The following HAUS7 variants were observed in gnomAD, a reference collection of about 807,000 sequenced individuals.
HAUS7 encodes the protein HAUS augmin-like complex subunit 7.
In HAUS7, 3 loss-of-function variants were observed where a neutral mutation model predicts 28.4. That is an observed-to-expected ratio of 0.11 (90% CI 0.05 to 0.27). The LOEUF (loss-of-function observed/expected upper bound fraction) is 0.27. HAUS7 is among the 10% of genes least tolerant of loss of function. The pLI, the probability that HAUS7 is intolerant of heterozygous loss-of-function variation, is 1.00. For synonymous variants in HAUS7, 165 were observed against 132.1 expected, an observed-to-expected ratio of 1.25 and a Z score of -1.71; for missense variants, 284 against 297.3, an observed-to-expected ratio of 0.96 and a Z score of 0.33.
Position 153,465,453 on chromosome X carries a change from C to T in HAUS7, c.225-398G>A, listed in dbSNP as rs188299183. 3.8e-3 allele frequency among the ~76,000 whole-genome samples: 428 copies of T among 111,880 alleles called. 1 individual carries two copies. The highest frequency in any genetic ancestry group is 9.5e-3 in the African/African-American group (293 of 30,825). ...GGGCTCCTGGCACCCTCCCCGGCCTCGCCTGGGTCGGCATCAACTGCTCCA... is the reference window on the plus strand; with the variant it reads ...GGGCTCCTGGCACCCTCCCCGGCCTTGCCTGGGTCGGCATCAACTGCTCCA... On this transcript the variant is annotated intron_variant, in intron 2 of 9. Transcript: ENST00000370211.
chrX:153,480,448 C>T (rs1325796233), intron 1 of HAUS7: 3 of 327,362 alleles, frequency 9.2e-6, no homozygotes, highest in Admixed American at 9.1e-5. Context: ...CGCCAGTGCT[C>T]CTCAGGAGGT....
upstream of HAUS7, among the ~76,000 whole-genome samples, chrX:153,473,221 G>C (rs1335929465): frequency 8.9e-6 from 1 of 112,716 alleles, no homozygotes; most frequent in East Asian, 2.8e-4. Context: ...CGGTGCAGCG[G>C]GAATCAACCA....
chrX:153,469,489 G>A (rs782561669), intron 1 of HAUS7, among the ~76,000 whole-genome samples: 2 of 111,883 alleles, frequency 1.8e-5, no homozygotes, highest in Non-Finnish European at 3.8e-5. Flanking sequence ...CACCACGCCC[G>A]GACAATTTTT....
intron 4 of HAUS7, among the ~76,000 whole-genome samples, chrX:153,458,765 T>C (rs1047890354): frequency 1.2e-3 from 80 of 64,455 alleles, no homozygotes; most frequent in Non-Finnish European, 1.2e-3. Flanking sequence ...GATTTTCCTT[T>C]TTTTTCTTAA....
At chrX:153,462,937 A>T in intron 3 of HAUS7, 1 of 440,025 alleles carries the variant, frequency 2.3e-6, no homozygotes, top group Non-Finnish European at 4.1e-6. Flanking sequence ...AGCAGAAGCC[A>T]GCAGCTGCCT....
At chrX:153,470,355 G>C (rs1480359105) in intron 1 of HAUS7, 95 bp downstream of exon 1, 1 of 916,580 alleles carries the variant, frequency 1.1e-6, no homozygotes, top group African/African-American at 2.0e-5. Context: ...CGGTGGCCGC[G>C]TGGCGCCGCG....
intron 1 of HAUS7, chrX:153,494,832 C>T (rs1319703683): frequency 1.9e-5 from 2 of 104,049 alleles, no homozygotes; most frequent in Non-Finnish European, 4.0e-5. Context: ...CCAGGGGGGC[C>T]GGGAAGCCTG....
At chrX:153,480,948 A>C (rs141698717) in intron 1 of HAUS7, 2 of 755,067 alleles carry the variant, frequency 2.6e-6, no homozygotes, top group East Asian at 3.0e-4. Flanking sequence ...CCAGGGCCAG[A>C]GGACAGGAGG....
intron 9 of HAUS7, among the ~76,000 whole-genome samples, chrX:153,449,793 T>TCCCCTGC (rs1165475567): frequency 8.9e-6 from 1 of 112,375 alleles, no homozygotes; most frequent in Non-Finnish European, 1.9e-5. Flanking sequence ...ATCTCCCCTG[T>TCCCCTGC]CCCCTGCCCT....
chrX:153,454,799 C>A, intron 8 of HAUS7: 1 of 711,173 alleles, frequency 1.4e-6, no homozygotes, highest in African/African-American at 2.1e-5. Context: ...CACTGCGTGT[C>A]CTCCCAGCCC....
Position 153,483,445 on chromosome X carries a change from G to A in HAUS7, c.-589+11929C>T, listed in dbSNP as rs1220196137. 4.1e-5 allele frequency: 31 copies of A among 754,728 alleles called. No individual in the cohort carries two copies. In the Admixed American group the frequency reaches 2.5e-3, roughly 61 times the overall value. The allele number at this position is 754,728 out of a possible 1,213,427, so 62.2% of individuals were successfully genotyped here. ...CACCCCGAGCCTGGATTCATCTCCCGTGAGTGGCAGTCCCAGAGCTTCGCC... is the reference window on the plus strand; with the variant it reads ...CACCCCGAGCCTGGATTCATCTCCCATGAGTGGCAGTCCCAGAGCTTCGCC... On this transcript the variant is annotated intron_variant, in intron 1 of 5. Coordinates refer to the HAUS7 transcript ENST00000370210.
intron 5 of HAUS7, 47 bp from the exon 6 acceptor site, chrX:153,456,698 C>T (rs1196670882): frequency 9.6e-6 from 10 of 1,046,053 alleles, no homozygotes; most frequent in Non-Finnish European, 1.2e-5. Context: ...CCAGAGCACT[C>T]GCCCAGCAGG....
chrX:153,492,740 G>A lies in HAUS7; in HGVS notation c.-589+2634C>T, dbSNP rs181491066. On this transcript the variant is annotated intron_variant, in intron 1 of 5. Transcript: ENST00000370210. ...CCCCTGTGTCTCCCCACACCCCCCCGCACGTGTGCTCTTCCTTCCACCGGC... is the reference window on the plus strand; with the variant it reads ...CCCCTGTGTCTCCCCACACCCCCCCACACGTGTGCTCTTCCTTCCACCGGC... Among the ~76,000 whole-genome samples the A allele has an allele frequency of 2.4e-4, 26 of 110,617 alleles. No individual in the cohort carries two copies. The East Asian group carries it at 6.9e-3, about 29-fold the overall frequency.
Position 153,447,708 on chromosome X carries a change from C to A in HAUS7, c.*170G>T, listed in dbSNP as rs782627508. On this transcript the variant is annotated 3_prime_UTR_variant, in exon 10 of 10. Coordinates refer to ENST00000370211, the MANE Select transcript of HAUS7 (RefSeq NM_001385482.1). The stretch of plus-strand genomic sequence containing the variant: ...TTCTTTGTGTCCAAGTCAAACCGCC[C>A]GTCTGTCTCTCCCTCCCCAAAGGGG... The A allele has an allele frequency of 1.9e-5, 11 of 570,442 alleles. No homozygotes were observed. The highest frequency in any genetic ancestry group is 1.8e-4 in the South Asian group (8 of 44,689). The allele number at this position is 570,442 out of a possible 1,213,427, so 47.0% of individuals were successfully genotyped here.
At chrX:153,481,414 C>T (rs1291160134) in intron 1 of HAUS7, 3 of 754,811 alleles carry the variant, frequency 4.0e-6, no homozygotes, top group Non-Finnish European at 4.7e-6. Flanking sequence ...GGACCGCAGC[C>T]GAGGCCAGGG....
chrX:153,466,045 G>C (rs1411178609), intron 2 of HAUS7, among the ~76,000 whole-genome samples: 6 of 112,803 alleles, frequency 5.3e-5, no homozygotes, highest in Admixed American at 4.6e-4. Flanking sequence ...AAGGGCTGGT[G>C]GCTGTTCCCT....
chrX:153,480,875 G>A (rs1161091303), intron 1 of HAUS7: 4 of 753,965 alleles, frequency 5.3e-6, no homozygotes, highest in East Asian at 1.5e-4. Context: ...CCTTGAAGCT[G>A]AGGCCCTGGC....
chrX:153,481,519 AC>A (rs1395658691), intron 1 of HAUS7: 7 of 754,888 alleles, frequency 9.3e-6, no homozygotes, highest in African/African-American at 6.9e-5. Flanking sequence ...CCTGGGCACC[AC>A]CCAGCAGGCC....
intron 1 of HAUS7, chrX:153,482,249 A>C (rs1556987488): frequency 1.4e-6 from 1 of 727,328 alleles, no homozygotes; most frequent in African/African-American, 2.4e-5. Flanking sequence ...GGATGGGCCC[A>C]AAGCCATGCC....
Sources: allele counts gnomAD v4.1 joint callset (sites outside exome capture counted in the v4.1 genomes callset), GRCh38; gene constraint gnomAD v4.1.1; transcripts MANE v1.5; gene names NCBI Gene and HGNC (gene_info 2026-07-23, HGNC 2026-07-21).